The following DCC variants were observed in gnomAD, a reference collection of about 807,000 sequenced individuals.
DCC encodes DCC netrin 1 receptor, also known as netrin receptor DCC.
In DCC, 58 loss-of-function variants were observed where a neutral mutation model predicts 172.5. The ratio of observed to expected loss-of-function variants is 0.34; its 90% CI spans 0.27 to 0.42. The LOEUF is 0.42. DCC is among the 10% of genes least tolerant of loss of function. DCC has a pLI of 1.00. For synonymous variants in DCC, 709 were observed against 644.5 expected (o/e 1.10, Z -1.52); for missense variants, 1,740 against 1,791.0 (o/e 0.97, Z 0.51).
chr18:53,241,367 G>C (rs2056290870), intron 12 of DCC, among the ~76,000 whole-genome samples: 1 of 152,098 alleles, frequency 6.6e-6, no homozygotes, highest in African/African-American at 2.4e-5. Flanking sequence ...GTTAACCAGA[G>C]AACACACCCA....
At chr18:53,114,058 A>G (rs1027672681) in intron 7 of DCC, among the ~76,000 whole-genome samples, 19 of 151,676 alleles carry the variant, frequency 1.3e-4, no homozygotes, top group South Asian at 6.2e-4. Context: ...TAAATTACTG[A>G]TTGAAAAAAG....
At chr18:52,869,491 G>T (rs1041686738) in intron 2 of DCC, among the ~76,000 whole-genome samples, 1 of 152,192 alleles carries the variant, frequency 6.6e-6, no homozygotes, top group South Asian at 2.1e-4. Flanking sequence ...TTCCACTCTG[G>T]TCACAGGACT....
At chr18:52,926,266 C>T (rs2145490333) in intron 5 of DCC, among the ~76,000 whole-genome samples, 1 of 151,946 alleles carries the variant, frequency 6.6e-6, no homozygotes, top group Middle Eastern at 3.4e-3. Context: ...ATTATTCCAT[C>T]CATTTTGCTT....
chr18:53,024,113 A>T (rs2041922991), intron 5 of DCC, among the ~76,000 whole-genome samples: 1 of 152,174 alleles, frequency 6.6e-6, no homozygotes, highest in Admixed American at 6.6e-5. Flanking sequence ...ATTGACTTGA[A>T]GAAAATATAC....
In DCC at chr18:53,001,095, G is replaced by A. The variant is rs1431303295; in HGVS notation, c.986-62210G>A. ...AAAGGCAATTTGCAAAACGACTCCCGCCAACCCCTAAGCAAGATAGTTGGT... is the reference window on the plus strand; with the variant it reads ...AAAGGCAATTTGCAAAACGACTCCCACCAACCCCTAAGCAAGATAGTTGGT... On this transcript the variant is annotated intron_variant, in intron 5 of 28. Coordinates refer to ENST00000442544, the MANE Select transcript of DCC (RefSeq NM_005215.4). Among the ~76,000 whole-genome samples, 9 of 151,882 alleles carry A rather than the reference G, an allele frequency of 5.9e-5. No individual in the cohort carries two copies. The East Asian group carries it at 7.7e-4, about 13-fold the overall frequency.
chr18:52,515,255 G>C (rs149006240), intron 1 of DCC, among the ~76,000 whole-genome samples: 1 of 151,966 alleles, frequency 6.6e-6, no homozygotes, highest in Non-Finnish European at 1.5e-5. Context: ...AAAAATATAA[G>C]AAATAAAAAA....
intron 22 of DCC, among the ~76,000 whole-genome samples, chr18:53,438,518 A>G (rs1912085460): frequency 6.6e-6 from 1 of 152,248 alleles, no homozygotes; most frequent in Admixed American, 6.5e-5. Context: ...CAATTTATAT[A>G]TGCACCCCTA....
At chr18:52,750,171 G>A (rs1048881379) in intron 1 of DCC, among the ~76,000 whole-genome samples, 5 of 152,190 alleles carry the variant, frequency 3.3e-5, no homozygotes, top group Admixed American at 1.3e-4. Context: ...CAAACTAGAT[G>A]TTGAACTTAG....
chr18:52,685,010 C>T (rs768052511), intron 1 of DCC, among the ~76,000 whole-genome samples: 9 of 152,058 alleles, frequency 5.9e-5, no homozygotes, highest in African/African-American at 1.7e-4. Context: ...TACCACTATG[C>T]AGATGCCATT....
chr18:53,325,086 A>AG (rs2057452306), intron 14 of DCC, among the ~76,000 whole-genome samples: 1 of 150,154 alleles, frequency 6.7e-6, no homozygotes, highest in African/African-American at 2.4e-5. Context: ...CCTGCTACTC[A>AG]GGAGGCTGAG....
chr18:53,347,546 T>G (rs996028465), intron 15 of DCC, among the ~76,000 whole-genome samples: 1 of 152,202 alleles, frequency 6.6e-6, no homozygotes, highest in African/African-American at 2.4e-5. Context: ...AACATCTGAA[T>G]TACATTTGGC....
chr18:53,265,694 A>T (rs1351263410), intron 12 of DCC, among the ~76,000 whole-genome samples: 1 of 152,194 alleles, frequency 6.6e-6, no homozygotes, highest in Non-Finnish European at 1.5e-5. Context: ...CCAATGCAGG[A>T]TAGGATATGC....
At chr18:52,959,248 C>T (rs2040799862) in intron 5 of DCC, among the ~76,000 whole-genome samples, 1 of 152,078 alleles carries the variant, frequency 6.6e-6, no homozygotes, top group Non-Finnish European at 1.5e-5. Flanking sequence ...TGGATTTGCA[C>T]TGATAAAACA....
chr18:53,144,494 C>G (rs1017782251), intron 7 of DCC, among the ~76,000 whole-genome samples: 8 of 152,182 alleles, frequency 5.3e-5, no homozygotes, highest in Admixed American at 5.2e-4. Context: ...CAAAGGAACT[C>G]CCCCTTATAA....
chr18:52,418,858 C>CTTTTTTTTT (rs11313758), intron 1 of DCC, among the ~76,000 whole-genome samples: 2 of 93,020 alleles, frequency 2.2e-5, no homozygotes, highest in Admixed American at 1.2e-4. Context: ...TTCTTTCTTT[C>CTTTTTTTTT]TTTTTTTTTT....
At chr18:53,204,582 T>C (rs983935888) in intron 9 of DCC, among the ~76,000 whole-genome samples, 1 of 151,372 alleles carries the variant, frequency 6.6e-6, no homozygotes, top group African/African-American at 2.4e-5. Flanking sequence ...AGGTAAACGA[T>C]TGTGGATCTG....
intron 12 of DCC, among the ~76,000 whole-genome samples, chr18:53,265,594 C>T (rs2056664005): frequency 6.6e-6 from 1 of 152,170 alleles, no homozygotes; most frequent in Non-Finnish European, 1.5e-5. Flanking sequence ...TGACCTGTTT[C>T]CTTGACCTTT....
intron 12 of DCC, among the ~76,000 whole-genome samples, chr18:53,253,637 A>C (rs2056469375): frequency 6.6e-6 from 1 of 152,054 alleles, no homozygotes; most frequent in Admixed American, 6.6e-5. Context: ...CTAATTAACT[A>C]TTCTGTCAAT....
At chr18:53,404,769 A>G (rs1178670208) in intron 19 of DCC, among the ~76,000 whole-genome samples, 3 of 151,918 alleles carry the variant, frequency 2.0e-5, no homozygotes, top group Non-Finnish European at 4.4e-5. Flanking sequence ...AAAAAAAAAG[A>G]AATGCAAATT....
Sources: allele counts gnomAD v4.1 joint callset (sites outside exome capture counted in the v4.1 genomes callset), GRCh38; gene constraint gnomAD v4.1.1; transcripts MANE v1.5; gene names NCBI Gene and HGNC (gene_info 2026-07-23, HGNC 2026-07-21).